Variants in OAS2 observed in about 807,000 individuals in gnomAD.
OAS2 encodes 2'-5'-oligoadenylate synthetase 2.
In OAS2, 67 loss-of-function variants were observed where a neutral mutation model predicts 71.3. The observed-to-expected ratio is 0.94, with a 90% CI of 0.77 to 1.15. The LOEUF (loss-of-function observed/expected upper bound fraction) is 1.15, where lower values mean the gene tolerates loss of function less well. OAS2 is among the 50% of genes most tolerant of loss of function. The pLI is 0.00. For synonymous variants in OAS2, 327 were observed against 321.8 expected, an observed-to-expected ratio of 1.02 and a Z score of -0.17; for missense variants, 789 against 822.5, an observed-to-expected ratio of 0.96 and a Z score of 0.50.
intron 6 of OAS2, 65 bp downstream of exon 6, chr12:113,003,167 G>T: frequency 1.3e-6 from 2 of 1,533,782 alleles, no homozygotes; most frequent in Non-Finnish European, 1.8e-6. Context: ...TGGAAGGGAG[G>T]TAAGTGGGCA....
intron 2 of OAS2, among the ~76,000 whole-genome samples, chr12:112,993,835 T>A (rs2044212167): frequency 6.6e-6 from 1 of 152,156 alleles, no homozygotes; most frequent in Admixed American, 6.5e-5. Context: ...ATTGTGCCAT[T>A]GCAGTCCAGC....
At chr12:112,984,606 T>A (rs566020702) in intron 1 of OAS2, among the ~76,000 whole-genome samples, 4 of 152,322 alleles carry the variant, frequency 2.6e-5, no homozygotes, top group African/African-American at 9.6e-5. Context: ...CTCCTGTCAT[T>A]TTGTTATTTG....
chr12:113,003,514 G>A (rs557603563), intron 6 of OAS2, among the ~76,000 whole-genome samples: 13 of 152,216 alleles, frequency 8.5e-5, no homozygotes, highest in South Asian at 2.1e-4. Context: ...TTACATCTGC[G>A]AAGACCCTTT....
intron 1 of OAS2, among the ~76,000 whole-genome samples, chr12:112,981,590 A>G (rs1387506733): frequency 6.6e-6 from 1 of 152,018 alleles, no homozygotes; most frequent in African/African-American, 2.4e-5. Context: ...TTTTATACCA[A>G]TCCCATGCTG....
At chr12:112,995,965 C>A (rs111861557) in intron 3 of OAS2, among the ~76,000 whole-genome samples, 4,346 of 152,074 alleles carry the variant, frequency 0.029, 199 homozygotes, top group African/African-American at 0.1. Flanking sequence ...CCATACCTGG[C>A]TAATTTTTGT....
chr12:112,998,102 C>G, intron 4 of OAS2, 164 bp from the exon 5 acceptor site: 1 of 701,328 alleles, frequency 1.4e-6, no homozygotes, highest in Admixed American at 3.1e-5. Context: ...AACCCAGGGC[C>G]AGAGGGGCTT....
chr12:112,979,747 C>T (rs188507540), intron 1 of OAS2, among the ~76,000 whole-genome samples: 62 of 152,264 alleles, frequency 4.1e-4, no homozygotes, highest in Non-Finnish European at 7.2e-4. Flanking sequence ...CTCAGCCCCC[C>T]AGAGCCCTGG....
At chr12:113,005,415 G>A (rs377733699) in intron 7 of OAS2, among the ~76,000 whole-genome samples, 193 bp downstream of exon 7, 8,918 of 152,068 alleles carry the variant, frequency 0.059, 325 homozygotes, top group Middle Eastern at 0.13. Context: ...CCAAGCATGG[G>A]GCTGTGTGCC....
At chr12:112,987,504 T>A (rs1273019901) in intron 2 of OAS2, 196 bp downstream of exon 2, 3 of 1,422,072 alleles carry the variant, frequency 2.1e-6, no homozygotes, top group Non-Finnish European at 2.8e-6. Flanking sequence ...CCCCATACCC[T>A]GATTGTCTTT....
chr12:113,010,358 A>T lies in OAS2; in HGVS notation c.*1103A>T. The T allele has an allele frequency of 6.2e-7, 1 of 1,608,942 alleles. No individual in the cohort carries two copies. The highest frequency in any genetic ancestry group is 8.5e-7 in the Non-Finnish European group (1 of 1,178,520). On this transcript the variant is annotated 3_prime_UTR_variant, in exon 10 of 10. Coordinates refer to ENST00000392583, the MANE Select transcript of OAS2 (RefSeq NM_002535.3). ...ATTAGGAGACATTGCTCTCCCACGT[A>T]TGTTTTTCTTTTTAGACAATGCAGA...
In OAS2 at chr12:113,007,885, TA is replaced by T; in HGVS notation, c.1838del (p.Tyr613SerfsTer8). 6.2e-7 allele frequency: 1 copy of T among 1,614,152 alleles called. No individual in the cohort carries two copies. The highest frequency in any genetic ancestry group is 1.1e-5 in the South Asian group (1 of 91,086). ...QQLCIFWKVN[Y>X]NFEDETVRKF... ...GCTCTGCATCTTCTGGAAGGTCAAT[TA>T]CAACTTTGAAGATGAGACCGTGAGG... On this transcript the variant is annotated frameshift_variant, in exon 9 of 10. Transcript: ENST00000392583. LOFTEE classifies it high-confidence loss of function.
At chr12:112,979,719 A>G (rs1199582832) in intron 1 of OAS2, among the ~76,000 whole-genome samples, 4 of 152,114 alleles carry the variant, frequency 2.6e-5, no homozygotes, top group Non-Finnish European at 1.5e-5. Context: ...CCCCACCCAG[A>G]TCCAGAAACA....
In OAS2 at chr12:113,009,518, G is replaced by T; in HGVS notation, c.*263G>T. The T allele has an allele frequency of 8.7e-7, 1 of 1,152,834 alleles. No homozygotes were observed. The highest frequency in any genetic ancestry group is 1.1e-6 in the Non-Finnish European group (1 of 937,820). 71.4% of individuals were successfully genotyped at this position (1,152,834 alleles called of 1,614,324 possible). A position where few individuals can be genotyped will look rare whatever the true frequency, so the allele number is the denominator to read the frequency against. Reference sequence around the variant, plus strand: ...CCTCCTCTCCCAGTGACAACCAAAAGTCTTCAGACATTGTCAAACGTTCCC... The same window carrying T: ...CCTCCTCTCCCAGTGACAACCAAAATTCTTCAGACATTGTCAAACGTTCCC... On this transcript the variant is annotated 3_prime_UTR_variant, in exon 10 of 10. Transcript: ENST00000392583.
intron 5 of OAS2, among the ~76,000 whole-genome samples, chr12:112,999,617 A>T (rs2044266409): frequency 6.6e-6 from 1 of 152,176 alleles, no homozygotes; most frequent in African/African-American, 2.4e-5. Context: ...ACCCAGAAGG[A>T]TCAGGACGCT....
chr12:113,008,982 T>G lies in OAS2; in HGVS notation c.1896-105T>G. 6 of 1,513,878 alleles carry G rather than the reference T, an allele frequency of 4.0e-6. No individual in the cohort carries two copies. The East Asian group carries it at 1.4e-4, about 35-fold the overall frequency. The allele number at this position is 1,513,878 out of a possible 1,614,324, so 93.8% of individuals were successfully genotyped here. A position where few individuals can be genotyped will look rare whatever the true frequency, so the allele number is the denominator to read the frequency against. ...AAATTTGAGTTGCTGACATCTAAGC[T>G]GTAAGAACACATTGTCTTATTGCTG... On this transcript the variant is annotated intron_variant, in intron 9 of 9. Transcript: ENST00000392583.
rs973640258 is a variant in OAS2 at position 112,987,038 on chromosome 12, G to T, written c.178G>T (p.Gly60Cys). 4.4e-6 allele frequency: 7 copies of T among 1,604,216 alleles called. No homozygotes were observed. The highest frequency in any genetic ancestry group is 6.0e-6 in the Non-Finnish European group (7 of 1,172,802). The change falls in exon 2 of 10, where the codon GGT becomes TGT. Residue 60 changes from glycine to cysteine, a missense_variant and splice_region_variant. Coordinates refer to ENST00000392583, the MANE Select transcript of OAS2 (RefSeq NM_002535.3). ...QFPLVQGVAI[G>C]GSYGRKTVLR... ...ATATCTGCTTCTTTGTCACTGGCAG[G>T]GTGGCTCCTATGGACGGAAAACAGT...
rs573605334 is a variant in OAS2 at position 112,996,407 on chromosome 12, T to C, written c.627+933T>C. On this transcript the variant is annotated intron_variant, in intron 3 of 9. Transcript: ENST00000392583. ...GTAAATATATAAAATATATATGTAG[T>C]TTGTTTTTTTGTTTAACCATAGCAA... Among the ~76,000 whole-genome samples the C allele has an allele frequency of 3.3e-5, 5 of 152,246 alleles. No homozygotes were observed. In the South Asian group the frequency reaches 1.0e-3, roughly 32 times the overall value.
At chr12:112,990,128 G>A (rs755205758) in intron 2 of OAS2, among the ~76,000 whole-genome samples, 5 of 152,196 alleles carry the variant, frequency 3.3e-5, no homozygotes, top group Non-Finnish European at 5.9e-5. Context: ...CATTTAGGAA[G>A]TTGACCAAAA....
At chr12:112,981,313 T>G (rs1248182546) in intron 1 of OAS2, among the ~76,000 whole-genome samples, 2 of 152,160 alleles carry the variant, frequency 1.3e-5, no homozygotes, top group African/African-American at 2.4e-5. Context: ...CATGAAGCAT[T>G]ACTCTTCTGC....
Sources: gnomAD v4.1 joint callset for allele counts (sites outside exome capture counted in the v4.1 genomes callset) on GRCh38, gnomAD v4.1.1 for gene constraint, MANE v1.5 for transcripts, NCBI Gene and HGNC (gene_info 2026-07-23, HGNC 2026-07-21) for gene names.